MROH7: variants seen among roughly 807,000 people sequenced by gnomAD.
MROH7 encodes maestro heat-like repeat-containing protein family member 7.
In MROH7, 113 loss-of-function variants were observed where a neutral mutation model predicts 129.2. That is an observed-to-expected ratio of 0.87 (90% CI 0.75 to 1.02). The LOEUF (loss-of-function observed/expected upper bound fraction) is 1.02, where lower values mean the gene tolerates loss of function less well. Ranked by LOEUF, MROH7 falls within the 50% of genes least tolerant of loss-of-function variation. The pLI is 0.00. For synonymous variants in MROH7, 655 were observed against 667.9 expected (o/e 0.98, Z 0.30); for missense variants, 1,601 against 1,671.3 (o/e 0.96, Z 0.73).
intron 10 of MROH7, among the ~76,000 whole-genome samples, chr1:54,676,929 G>A (rs1197151331): frequency 3.3e-5 from 5 of 151,602 alleles, no homozygotes; most frequent in African/African-American, 7.3e-5. Flanking sequence ...GGCTGGTCTC[G>A]AACTCCTGAC....
intron 14 of MROH7, among the ~76,000 whole-genome samples, chr1:54,683,173 T>G: frequency 6.6e-6 from 1 of 152,258 alleles, no homozygotes; most frequent in Non-Finnish European, 1.5e-5. Context: ...CTCTTCTCTA[T>G]TTTTTTAAAA....
chr1:54,653,375 A>G lies in MROH7; in HGVS notation c.449A>G (p.Glu150Gly), dbSNP rs1457492950. The change falls in exon 3 of 24, where the codon GAA (glutamate) becomes GGA (glycine). Residue 150 changes from glutamate (E) to glycine (G), a missense_variant. By Grantham distance (98) the Glu-to-Gly change is moderately conservative (BLOSUM62 -2). Transcript: ENST00000421030. ...GGGAACCACCCTCAGTCAAATTCTG[A>G]AGATGCCTTCAAGTGCCTCTCAAGT... Reference protein sequence around the residue: ...SSGNHPQSNSEDAFKCLSSKI... With the variant: ...SSGNHPQSNSGDAFKCLSSKI... The G allele has an allele frequency of 6.2e-7, 1 of 1,614,166 alleles. No individual in the cohort carries two copies. The highest frequency in any genetic ancestry group is 8.5e-7 in the Non-Finnish European group (1 of 1,180,024).
rs1570015196 is a variant in MROH7 at position 54,710,260 on chromosome 1, A to C, written c.*73A>C. The C allele has an allele frequency of 1.3e-6, 2 of 1,528,646 alleles. No individual in the cohort carries two copies. Among genetic ancestry groups the C allele is most frequent in the Non-Finnish European group, 1.8e-6 (2 of 1,126,614 alleles). The allele number at this position is 1,528,646 out of a possible 1,614,324, so 94.7% of individuals were successfully genotyped here. On this transcript the variant is annotated 3_prime_UTR_variant, in exon 24 of 24. Transcript: ENST00000421030. Reference sequence around the variant, plus strand: ...GCTCCCTATAAATGTCATGTGGCTTACCTCTCCATCTTGATTGTTTCCTCC... The same window carrying C: ...GCTCCCTATAAATGTCATGTGGCTTCCCTCTCCATCTTGATTGTTTCCTCC...
intron 10 of MROH7, 29 bp downstream of exon 10, chr1:54,674,180 A>T: frequency 6.2e-7 from 1 of 1,602,480 alleles, no homozygotes; most frequent in Non-Finnish European, 8.5e-7. Context: ...CTTCTGAAGG[A>T]AGTCTTCTGA....
intron 6 of MROH7, 106 bp downstream of exon 6, chr1:54,670,682 T>G: frequency 2.9e-6 from 1 of 341,010 alleles, no homozygotes; most frequent in Non-Finnish European, 4.4e-6. Context: ...CCCCCACCCC[T>G]CGCCCGGTGC....
intron 17 of MROH7, chr1:54,699,259 TCCTCCCTCCTTC>T (rs1207722825): frequency 6.7e-6 from 1 of 149,392 alleles, no homozygotes; most frequent in Non-Finnish European, 1.5e-5. Context: ...CTTCCTTCCT[TCCTCCCTCCTTC>T]CCTCCCTCCT....
At chr1:54,646,466 G>A (rs1175812274) in intron 1 of MROH7, among the ~76,000 whole-genome samples, 1 of 152,214 alleles carries the variant, frequency 6.6e-6, no homozygotes, top group East Asian at 1.9e-4. Context: ...AAACTCCAGG[G>A]AACTCACCAT....
intron 21 of MROH7, among the ~76,000 whole-genome samples, chr1:54,704,374 G>A (rs551597103): frequency 1.3e-4 from 20 of 151,952 alleles, no homozygotes; most frequent in Admixed American, 3.3e-4. Context: ...CAAGCTCACC[G>A]TGCAGGCCCT....
intron 2 of MROH7, 47 bp downstream of exon 2, chr1:54,652,030 G>A (rs1390302472): frequency 6.6e-6 from 1 of 152,442 alleles, no homozygotes; most frequent in Non-Finnish European, 1.5e-5. Flanking sequence ...CCCAGATTGA[G>A]GGTAGGGGTG....
chr1:54,710,026 T>G lies in MROH7; in HGVS notation c.3811T>G (p.Cys1271Gly), dbSNP rs1005600806. 1 of 1,614,034 alleles carries G rather than the reference T, an allele frequency of 6.2e-7. No homozygotes were observed. Among genetic ancestry groups the G allele is most frequent in the African/African-American group, 1.3e-5 (1 of 74,920 alleles). The change falls in exon 24 of 24, where the codon TGC becomes GGC. Residue 1271 changes from cysteine to glycine, a missense_variant. Coordinates refer to ENST00000421030, the MANE Select transcript of MROH7 (RefSeq NM_001039464.4). Reference sequence around the variant, plus strand: ...GGTCCAGGACCACATCCTGGCCAGCTGCTGGCAGAACTCCTGGCTGCCGCA... The same window carrying G: ...GGTCCAGGACCACATCCTGGCCAGCGGCTGGCAGAACTCCTGGCTGCCGCA... Reference protein sequence around the residue: ...AQVQDHILASCWQNSWLPHGN... With the variant: ...AQVQDHILASGWQNSWLPHGN...
At chr1:54,651,065 T>G (rs1644547133) in intron 1 of MROH7, among the ~76,000 whole-genome samples, 1 of 152,262 alleles carries the variant, frequency 6.6e-6, no homozygotes, top group African/African-American at 2.4e-5. Flanking sequence ...CTTCCCCAGC[T>G]CTCTCATCTC....
chr1:54,680,546 C>T (rs975769246), intron 13 of MROH7, among the ~76,000 whole-genome samples: 1 of 152,198 alleles, frequency 6.6e-6, no homozygotes, highest in Non-Finnish European at 1.5e-5. Flanking sequence ...GTAATGCAGC[C>T]AGCGGTGCTG....
rs1412694510 is a variant in MROH7 at position 54,702,626 on chromosome 1, T to C, written c.3445T>C (p.Cys1149Arg). The C allele has an allele frequency of 2.5e-6, 4 of 1,605,922 alleles. No homozygotes were observed. Among genetic ancestry groups the C allele is most frequent in the Non-Finnish European group, 3.4e-6 (4 of 1,175,866 alleles). ...QEGNSKVSQKCVKTLLRCSYF... is the reference protein window; with the variant it reads ...QEGNSKVSQKRVKTLLRCSYF... ...TTTTCTTCCTATTGGTTCCCAGAAG[T>C]GTGTGAAGACCCTGTTACGCTGTTC... The change falls in exon 21 of 24, where the codon TGT (cysteine) becomes CGT (arginine). Residue 1149 changes from cysteine (C) to arginine (R), a missense_variant. By Grantham distance (180) the Cys-to-Arg change is radical. Coordinates refer to ENST00000421030, the MANE Select transcript of MROH7 (RefSeq NM_001039464.4).
At chr1:54,681,302 G>C (rs1645066061) in intron 13 of MROH7, among the ~76,000 whole-genome samples, 1 of 152,148 alleles carries the variant, frequency 6.6e-6, no homozygotes, top group African/African-American at 2.4e-5. Context: ...CCTATAGGGT[G>C]GATATAGGAG....
In MROH7 at chr1:54,654,799, C is replaced by T. The variant is rs186095703; in HGVS notation, c.1231+642C>T. ...CTTCCTTGATACATTTTAGACCTGGCTTCTCAGGTCTGAGCAAGGCCTTGG... is the reference window on the plus strand; with the variant it reads ...CTTCCTTGATACATTTTAGACCTGGTTTCTCAGGTCTGAGCAAGGCCTTGG... On this transcript the variant is annotated intron_variant, in intron 3 of 23. Coordinates refer to ENST00000421030, the MANE Select transcript of MROH7 (RefSeq NM_001039464.4). Among the ~76,000 whole-genome samples, 708 of 152,276 alleles carry T rather than the reference C, an allele frequency of 4.6e-3. 5 individuals are homozygous for T. Among genetic ancestry groups the T allele is most frequent in the Middle Eastern group, 0.017 (5 of 294 alleles).
At chr1:54,680,207 G>T (rs1645047664) in intron 13 of MROH7, among the ~76,000 whole-genome samples, 162 bp downstream of exon 13, 1 of 152,150 alleles carries the variant, frequency 6.6e-6, no homozygotes, top group South Asian at 2.1e-4. Context: ...CACTTCCTGA[G>T]CACTGCTGCT....
intron 4 of MROH7, among the ~76,000 whole-genome samples, chr1:54,667,468 T>C (rs913669035): frequency 2.0e-5 from 3 of 151,688 alleles, no homozygotes; most frequent in African/African-American, 7.3e-5. Flanking sequence ...AATTTTTTTT[T>C]TTTAAGTTGG....
intron 1 of MROH7, among the ~76,000 whole-genome samples, chr1:54,645,292 C>A (rs766015838): frequency 3.3e-5 from 5 of 150,172 alleles, no homozygotes; most frequent in Middle Eastern, 3.4e-3. Context: ...TTTCTTTTTT[C>A]TGAGACAGTC....
At position 54,695,356 on chromosome 1, in the gene MROH7, C is replaced by T; in HGVS notation, c.2850-20C>T. The T allele has an allele frequency of 6.7e-7, 1 of 1,493,314 alleles. No homozygotes were observed. The highest frequency in any genetic ancestry group is 9.3e-7 in the Non-Finnish European group (1 of 1,077,346). The allele number at this position is 1,493,314 out of a possible 1,614,324, so 92.5% of individuals were successfully genotyped here. Reference sequence around the variant, plus strand: ...TGGGGCTGGATACCTGAGGGGACTACTCCCCCTTCCCACCCCCAGGGCCAT... The same window carrying T: ...TGGGGCTGGATACCTGAGGGGACTATTCCCCCTTCCCACCCCCAGGGCCAT... On this transcript the variant is annotated intron_variant, in intron 16 of 23. Transcript: ENST00000421030.
Sources: allele counts gnomAD v4.1 joint callset (sites outside exome capture counted in the v4.1 genomes callset), GRCh38; gene constraint gnomAD v4.1.1; transcripts MANE v1.5; gene names NCBI Gene and HGNC (gene_info 2026-07-23, HGNC 2026-07-21).